ACVR1: variants seen among roughly 807,000 people sequenced by gnomAD.
ACVR1 encodes the protein activin A receptor type 1.
Under a neutral mutation model 57.1 loss-of-function variants are expected in ACVR1, and 38 were observed. The ratio of observed to expected loss-of-function variants is 0.67; its 90% CI spans 0.51 to 0.87. ACVR1 has a LOEUF of 0.87. Among genes scored for constraint, ACVR1 ranks in the 40% least tolerant of loss-of-function variants. The pLI is 0.00. For missense variants in ACVR1, 463 were observed against 638.2 expected, an observed-to-expected ratio of 0.73 and a Z score of 2.96; for synonymous variants, 212 against 228.1, an observed-to-expected ratio of 0.93 and a Z score of 0.63.
chr2:157,856,033 C>T (rs1303442523), intron 1 of ACVR1, among the ~76,000 whole-genome samples: 1 of 151,572 alleles, frequency 6.6e-6, no homozygotes, highest in East Asian at 1.9e-4. Context: ...CTACGACACC[C>T]CAAAAACTTA....
intron 2 of ACVR1, among the ~76,000 whole-genome samples, chr2:157,813,892 T>A (rs1008887825): frequency 2.0e-5 from 3 of 152,170 alleles, no homozygotes; most frequent in Non-Finnish European, 4.4e-5. Flanking sequence ...GACTTCAATC[T>A]AAAAAAACCC....
At chr2:157,763,412 T>G (rs1327948007) in intron 8 of ACVR1, among the ~76,000 whole-genome samples, 1 of 152,164 alleles carries the variant, frequency 6.6e-6, no homozygotes, top group Non-Finnish European at 1.5e-5. Flanking sequence ...AACATTTGAA[T>G]TTTTTAATAA....
At chr2:157,750,239 T>G (rs1295725639) in intron 9 of ACVR1, among the ~76,000 whole-genome samples, 1 of 152,068 alleles carries the variant, frequency 6.6e-6, no homozygotes, top group Non-Finnish European at 1.5e-5. Context: ...CCCAGAAGCC[T>G]GATGATGAGC....
chr2:157,791,306 C>T (rs751197746), intron 3 of ACVR1, among the ~76,000 whole-genome samples: 4 of 152,240 alleles, frequency 2.6e-5, no homozygotes, highest in Non-Finnish European at 5.9e-5. Context: ...ATAACTGATT[C>T]ACTTTTCCCA....
intron 1 of ACVR1, among the ~76,000 whole-genome samples, chr2:157,834,422 T>A (rs1419300294): frequency 6.6e-6 from 1 of 152,042 alleles, no homozygotes; most frequent in Non-Finnish European, 1.5e-5. Context: ...GGCAAATAAA[T>A]GTGAATGCTA....
Position 157,774,199 on chromosome 2 carries a change from G to T in ACVR1, c.544-12C>A. The T allele has an allele frequency of 1.2e-6, 2 of 1,608,894 alleles. No individual in the cohort carries two copies. The highest frequency in any genetic ancestry group is 1.7e-6 in the Non-Finnish European group (2 of 1,175,340). On this transcript the variant is annotated splice_polypyrimidine_tract_variant and intron_variant, in intron 5 of 10. Transcript: ENST00000434821. The stretch of plus-strand genomic sequence containing the variant: ...TGATCCAATAAATCCTGTGGTTTAA[G>T]ACAAGGGGGAAAAGAAACGATTGAG...
At chr2:157,859,502 C>T (rs561679017) in intron 1 of ACVR1, among the ~76,000 whole-genome samples, 6 of 152,268 alleles carry the variant, frequency 3.9e-5, no homozygotes, top group South Asian at 2.1e-4. Context: ...TCTATGGACT[C>T]GCCTCCAATT....
chr2:157,780,189 C>CA, intron 4 of ACVR1, 148 bp downstream of exon 4: 1 of 1,162,120 alleles, frequency 8.6e-7, no homozygotes, highest in Non-Finnish European at 1.2e-6. Flanking sequence ...TTCTCTTCTT[C>CA]ACCCAGGGTG....
rs191921924 is a variant in ACVR1, at chr2:157,844,348, C to T, written c.-182-25789G>A. Among the ~76,000 whole-genome samples the T allele has an allele frequency of 1.8e-3, 269 of 152,248 alleles. 2 individuals are homozygous for T. Among genetic ancestry groups the T allele is most frequent in the East Asian group, 1.4e-3 (7 of 5,170 alleles). On this transcript the variant is annotated intron_variant, in intron 1 of 10. Coordinates refer to ENST00000434821, the MANE Select transcript of ACVR1 (RefSeq NM_001111067.4). Reference sequence around the variant, plus strand: ...TGTATCTGGCAGATCTCCAAACCCACCCTGTCCCCACTGGGTTTGCTCTTC... The same window carrying T: ...TGTATCTGGCAGATCTCCAAACCCATCCTGTCCCCACTGGGTTTGCTCTTC...
At chr2:157,754,894 C>CA (rs970498530) in intron 9 of ACVR1, among the ~76,000 whole-genome samples, 11 of 152,010 alleles carry the variant, frequency 7.2e-5, no homozygotes, top group African/African-American at 2.2e-4. Context: ...CACACCATAT[C>CA]AAAAAAATAA....
intron 1 of ACVR1, among the ~76,000 whole-genome samples, chr2:157,842,958 T>C (rs1439958474): frequency 6.6e-6 from 1 of 152,204 alleles, no homozygotes; most frequent in Non-Finnish European, 1.5e-5. Flanking sequence ...ATAAAAGCCA[T>C]GTGATACAGA....
chr2:157,808,899 G>C (rs772134806), intron 2 of ACVR1, among the ~76,000 whole-genome samples: 60 of 135,376 alleles, frequency 4.4e-4, no homozygotes, highest in Non-Finnish European at 8.2e-4. Flanking sequence ...AAAAAAAACA[G>C]AAAGTAGTAA....
intron 1 of ACVR1, among the ~76,000 whole-genome samples, chr2:157,859,496 T>C (rs999171336): frequency 6.6e-6 from 1 of 152,224 alleles, no homozygotes; most frequent in Admixed American, 6.5e-5. Flanking sequence ...CTTTACTCTA[T>C]GGACTCGCCT....
intron 3 of ACVR1, among the ~76,000 whole-genome samples, chr2:157,781,857 C>T (rs1188784751): frequency 6.6e-6 from 1 of 152,188 alleles, no homozygotes; most frequent in Non-Finnish European, 1.5e-5. Context: ...CAGCCAAGTC[C>T]TAGAGGCCAC....
chr2:157,774,299 G>T, intron 5 of ACVR1, 112 bp from the exon 6 acceptor site: 1 of 810,660 alleles, frequency 1.2e-6, no homozygotes, highest in Non-Finnish European at 2.1e-6. Flanking sequence ...TCCGGGACAC[G>T]TGGCCTGTTA....
intron 1 of ACVR1, among the ~76,000 whole-genome samples, chr2:157,825,737 G>C (rs1688320184): frequency 6.6e-6 from 1 of 152,124 alleles, no homozygotes; most frequent in Non-Finnish European, 1.5e-5. Flanking sequence ...CTGCTGTCCT[G>C]GGCTAACCCC....
intron 1 of ACVR1, among the ~76,000 whole-genome samples, chr2:157,823,896 C>T (rs1346728562): frequency 6.6e-6 from 1 of 152,086 alleles, no homozygotes; most frequent in Non-Finnish European, 1.5e-5. Flanking sequence ...GCTACAGTAG[C>T]ATAAAGAAGG....
intron 1 of ACVR1, among the ~76,000 whole-genome samples, chr2:157,851,531 G>A (rs1689300897): frequency 6.6e-6 from 1 of 151,906 alleles, no homozygotes; most frequent in Non-Finnish European, 1.5e-5. Flanking sequence ...AGATATTAGG[G>A]GTGAATATGA....
intron 2 of ACVR1, among the ~76,000 whole-genome samples, chr2:157,808,719 C>G (rs1687646200): frequency 6.6e-6 from 1 of 152,116 alleles, no homozygotes; most frequent in South Asian, 2.1e-4. Flanking sequence ...CATATTATCT[C>G]CCCTGAAGGC....
Sources: gnomAD v4.1 joint callset for allele counts (sites outside exome capture counted in the v4.1 genomes callset) on GRCh38, gnomAD v4.1.1 for gene constraint, MANE v1.5 for transcripts, NCBI Gene and HGNC (gene_info 2026-07-23, HGNC 2026-07-21) for gene names.